The following KSR2 variants were observed in gnomAD, a reference collection of about 807,000 sequenced individuals.
KSR2 encodes the protein kinase suppressor of ras 2.
Under a neutral mutation model 107.8 loss-of-function variants are expected in KSR2, and 25 were observed. That is an observed-to-expected ratio of 0.23 (90% CI 0.17 to 0.32). The LOEUF is 0.32. Among genes scored for constraint, KSR2 ranks in the 10% least tolerant of loss-of-function variants. The pLI is 1.00. For synonymous variants in KSR2, 480 were observed against 507.0 expected (o/e 0.95, Z 0.71); for missense variants, 887 against 1,268.9 (o/e 0.70, Z 4.57).
intron 4 of KSR2, among the ~76,000 whole-genome samples, chr12:117,708,773 G>C (rs1886633961): frequency 6.6e-6 from 1 of 152,164 alleles, no homozygotes; most frequent in Admixed American, 6.6e-5. Flanking sequence ...GTTGGCTAAG[G>C]CCTCTGTTGA....
intron 14 of KSR2, among the ~76,000 whole-genome samples, chr12:117,506,445 T>C (rs1292788652): frequency 6.6e-6 from 1 of 152,212 alleles, no homozygotes; most frequent in Non-Finnish European, 1.5e-5. Flanking sequence ...TCCTGAGTTG[T>C]CAATTTCAGG....
At chr12:117,826,463 G>A (rs1334046939) in intron 3 of KSR2, among the ~76,000 whole-genome samples, 5 of 146,346 alleles carry the variant, frequency 3.4e-5, no homozygotes, top group Non-Finnish European at 6.0e-5. Context: ...TGGGAAGGAG[G>A]AAAAAAAGAT....
At chr12:117,934,783 G>A (rs946215602) in intron 1 of KSR2, among the ~76,000 whole-genome samples, 5 of 152,014 alleles carry the variant, frequency 3.3e-5, no homozygotes, top group Non-Finnish European at 7.4e-5. Flanking sequence ...ATGGCTCACC[G>A]GCCTGGTGCA....
intron 3 of KSR2, among the ~76,000 whole-genome samples, chr12:117,772,659 TC>T (rs1889545107): frequency 1.2e-5 from 1 of 86,948 alleles, no homozygotes; most frequent in Non-Finnish European, 2.3e-5. Flanking sequence ...CACACCATTC[TC>T]CCAAAGATGC....
At chr12:117,752,251 G>A (rs568323142) in intron 4 of KSR2, among the ~76,000 whole-genome samples, 2 of 152,306 alleles carry the variant, frequency 1.3e-5, no homozygotes, top group South Asian at 4.1e-4. Context: ...TGAAGTTTTT[G>A]ACATACTGTT....
chr12:117,674,931 G>T (rs1250273035), intron 4 of KSR2, among the ~76,000 whole-genome samples: 2 of 152,054 alleles, frequency 1.3e-5, no homozygotes, highest in African/African-American at 2.4e-5. Context: ...CATCTTTCTG[G>T]TCCTTGACCA....
At chr12:117,831,922 C>G (rs1874985590) in intron 3 of KSR2, among the ~76,000 whole-genome samples, 2 of 152,310 alleles carry the variant, frequency 1.3e-5, no homozygotes, top group South Asian at 2.1e-4. Flanking sequence ...TTAGGAACAG[C>G]TAACTTGGTT....
chr12:117,848,191 G>A (rs1892768926), intron 3 of KSR2, among the ~76,000 whole-genome samples: 1 of 152,136 alleles, frequency 6.6e-6, no homozygotes, highest in African/African-American at 2.4e-5. Flanking sequence ...AGGAGAGAGA[G>A]AAAAAGAACA....
chr12:117,933,013 A>AAAAT (rs1895737465), intron 1 of KSR2, among the ~76,000 whole-genome samples: 1 of 152,212 alleles, frequency 6.6e-6, no homozygotes, highest in Non-Finnish European at 1.5e-5. Context: ...ACTCTGTCTC[A>AAAAT]AAATAAATAA....
intron 5 of KSR2, among the ~76,000 whole-genome samples, chr12:117,590,951 G>T (rs1290437646): frequency 6.6e-6 from 1 of 152,176 alleles, no homozygotes; most frequent in African/African-American, 2.4e-5. Context: ...TACATGGTAG[G>T]AATCCTTACA....
At chr12:117,876,370 C>T (rs1893850278) in intron 1 of KSR2, among the ~76,000 whole-genome samples, 1 of 152,328 alleles carries the variant, frequency 6.6e-6, no homozygotes, top group South Asian at 2.1e-4. Context: ...CCAATGAGAA[C>T]CGGATCCCTG....
At position 117,530,951 on chromosome 12, in the gene KSR2, A is replaced by G. The variant is rs911904862; in HGVS notation, c.1792T>C (p.Ser598Pro). 1 of 1,613,740 alleles carries G rather than the reference A, an allele frequency of 6.2e-7. No homozygotes were observed. Among genetic ancestry groups the G allele is most frequent in the Non-Finnish European group, 8.5e-7 (1 of 1,179,726 alleles). Residue 598 changes from serine (S) to proline (P), a missense_variant, in exon 12 of 20, where the codon TCG becomes CCG. Transcript: ENST00000339824. ...APQVILHPVT[S>P]NPILEGNPLL... ...CTCTGTCTCACTTACATTGGATTCG[A>G]GGTCACCGGATGCAGGATGACCTGG... is the stretch of plus-strand genomic sequence containing the variant.
At chr12:117,552,212 T>C (rs917239617) in intron 9 of KSR2, among the ~76,000 whole-genome samples, 14 of 152,254 alleles carry the variant, frequency 9.2e-5, no homozygotes, top group African/African-American at 3.1e-4. Context: ...TAGAATCTCC[T>C]GGATATTAAC....
chr12:117,542,259 G>C (rs1876550697), intron 9 of KSR2, among the ~76,000 whole-genome samples: 1 of 152,176 alleles, frequency 6.6e-6, no homozygotes. Flanking sequence ...AATGAGTTAT[G>C]TAGGTACCCA....
chr12:117,746,982 T>C (rs1255611140), intron 4 of KSR2, among the ~76,000 whole-genome samples: 2 of 152,150 alleles, frequency 1.3e-5, no homozygotes, highest in Non-Finnish European at 2.9e-5. Flanking sequence ...ACACTGTTGG[T>C]GGGAGTGTAA....
chr12:117,761,479 G>A lies in KSR2; in HGVS notation c.518C>T (p.Thr173Ile), dbSNP rs769796179. 1 of 1,613,460 alleles carries A rather than the reference G, an allele frequency of 6.2e-7. No individual in the cohort carries two copies. The highest frequency in any genetic ancestry group is 1.1e-5 in the South Asian group (1 of 91,068). ...KQDWTIQWPTTETGKENNPVC... is the reference protein window; with the variant it reads ...KQDWTIQWPTIETGKENNPVC... ...GGGATTGTTCTCCTTCCCCGTCTCTGTCGTGGGCCACTGGATGGTCCAGTC... is the reference window on the plus strand; with the variant it reads ...GGGATTGTTCTCCTTCCCCGTCTCTATCGTGGGCCACTGGATGGTCCAGTC... Residue 173 changes from threonine (T) to isoleucine (I), a missense_variant, in exon 4 of 20, where the codon ACA (threonine) becomes ATA (isoleucine). Coordinates refer to ENST00000339824, the MANE Select transcript of KSR2 (RefSeq NM_173598.6).
Position 117,575,854 on chromosome 12 carries a change from C to T in KSR2, c.1325+3265G>A, listed in dbSNP as rs1325120781. 4.6e-5 allele frequency among the ~76,000 whole-genome samples: 7 copies of T among 152,202 alleles called. No homozygotes were observed. The South Asian group carries it at 1.2e-3, about 27-fold the overall frequency. Reference sequence around the variant, plus strand: ...AGCATGGACATTTAATTGACTCCTTCCAACAGCCCTGTGGTGGGCACTAAT... The same window carrying T: ...AGCATGGACATTTAATTGACTCCTTTCAACAGCCCTGTGGTGGGCACTAAT... On this transcript the variant is annotated intron_variant, in intron 7 of 19. Transcript: ENST00000339824.
intron 3 of KSR2, among the ~76,000 whole-genome samples, chr12:117,785,591 C>T (rs1006044648): frequency 6.6e-6 from 1 of 152,008 alleles, no homozygotes; most frequent in Non-Finnish European, 1.5e-5. Context: ...GAAACAGAAG[C>T]TATTAAAAAA....
chr12:117,607,685 A>G (rs1419408415), intron 5 of KSR2, among the ~76,000 whole-genome samples: 1 of 150,406 alleles, frequency 6.6e-6, no homozygotes, highest in African/African-American at 2.4e-5. Flanking sequence ...AGGAGAGGAG[A>G]GGAGAGGAGA....
Sources: gnomAD v4.1 joint callset for allele counts (sites outside exome capture counted in the v4.1 genomes callset) on GRCh38, gnomAD v4.1.1 for gene constraint, MANE v1.5 for transcripts, NCBI Gene and HGNC (gene_info 2026-07-23, HGNC 2026-07-21) for gene names.